The following LNPEP variants were observed in gnomAD, a reference collection of about 807,000 sequenced individuals.
The protein encoded by LNPEP is leucyl and cystinyl aminopeptidase, also known as leucyl-cystinyl aminopeptidase.
LNPEP carries 64 observed loss-of-function variants against 120.6 expected under a neutral mutation model. The observed-to-expected ratio is 0.53, with a 90% CI of 0.43 to 0.65. The LOEUF is 0.65. Among genes scored for constraint, LNPEP ranks in the 30% least tolerant of loss-of-function variants. LNPEP has a pLI of 0.00. For synonymous variants in LNPEP, 435 were observed against 425.4 expected (o/e 1.02, Z -0.28); for missense variants, 1,057 against 1,200.0 (o/e 0.88, Z 1.76).
chr5:96,947,651 T>C (rs1789219114), intron 1 of LNPEP, among the ~76,000 whole-genome samples: 2 of 152,370 alleles, frequency 1.3e-5, no homozygotes, highest in Admixed American at 6.5e-5. Flanking sequence ...CTCTGTGGCA[T>C]TGACAATGTT....
intron 1 of LNPEP, among the ~76,000 whole-genome samples, chr5:96,945,699 G>A (rs1789171258): frequency 1.3e-5 from 2 of 152,068 alleles, no homozygotes; most frequent in South Asian, 2.1e-4. Context: ...AATGAGGTGC[G>A]TCTGACCCCC....
In LNPEP at chr5:97,024,037, C is replaced by T. The variant is rs150311674; in HGVS notation, c.2562-484C>T. Among the ~76,000 whole-genome samples the T allele has an allele frequency of 2.6e-5, 4 of 152,286 alleles. No individual in the cohort carries two copies. In the East Asian group the frequency reaches 7.7e-4, roughly 29 times the overall value. On this transcript the variant is annotated intron_variant, in intron 14 of 17. Coordinates refer to ENST00000231368, the MANE Select transcript of LNPEP (RefSeq NM_005575.3). ...GTGCATTATGGAGAGAAGATTCAAG[C>T]ATCAGATGAAGAGTTGGGGTGGAGG...
At chr5:96,952,431 C>G (rs1789345894) in intron 1 of LNPEP, among the ~76,000 whole-genome samples, 1 of 152,156 alleles carries the variant, frequency 6.6e-6, no homozygotes, top group Admixed American at 6.5e-5. Flanking sequence ...GTACCCATAT[C>G]ACATCTTGAG....
Position 97,030,805 on chromosome 5 carries a change from T to G in LNPEP, c.*2272T>G, listed in dbSNP as rs1791455238. The stretch of plus-strand genomic sequence containing the variant: ...TACCAGATCCATAATAGTTGTAGTT[T>G]TTTTGATGTTGTTGCCCTTACCTTA... On this transcript the variant is annotated 3_prime_UTR_variant, in exon 18 of 18. Transcript: ENST00000231368. The G allele has an allele frequency of 6.6e-6, 1 of 152,064 alleles. No homozygotes were observed. The highest frequency in any genetic ancestry group is 1.5e-5 in the Non-Finnish European group (1 of 68,010). 9.4% of individuals were successfully genotyped at this position (152,064 alleles called of 1,614,324 possible).
At chr5:97,008,659 A>ACT (rs1344809483) in intron 11 of LNPEP, among the ~76,000 whole-genome samples, 1 of 51,482 alleles carries the variant, frequency 1.9e-5, no homozygotes, top group Non-Finnish European at 3.8e-5. Context: ...GCTCCTCTTT[A>ACT]CTCTTTTTTT....
intron 1 of LNPEP, chr5:96,943,083 A>G (rs1789098729): frequency 3.2e-6 from 1 of 311,054 alleles, no homozygotes; most frequent in Non-Finnish European, 6.0e-6. Context: ...ATGAGAATCC[A>G]TAAGTGACTC....
rs1304012744 is a variant in LNPEP, at chr5:97,033,348, A to G, written c.*4815A>G. ...CTTAATGTATATACATGTTTTTACT[A>G]CTACATTGTATTAATTCATCGGGTG... On this transcript the variant is annotated 3_prime_UTR_variant, in exon 18 of 18. Transcript: ENST00000231368. The G allele has an allele frequency of 6.6e-6, 1 of 152,198 alleles. No individual in the cohort carries two copies. Among genetic ancestry groups the G allele is most frequent in the Non-Finnish European group, 1.5e-5 (1 of 68,038 alleles). The allele number at this position is 152,198 out of a possible 1,614,324, so 9.4% of individuals were successfully genotyped here. A position where few individuals can be genotyped will look rare whatever the true frequency, so the allele number is the denominator to read the frequency against.
intron 11 of LNPEP, among the ~76,000 whole-genome samples, chr5:97,007,232 T>A (rs1444316579): frequency 1.3e-5 from 2 of 152,174 alleles, no homozygotes; most frequent in South Asian, 4.1e-4. Flanking sequence ...ATTTCTCGTT[T>A]GAATTTGGAT....
chr5:97,026,741 A>G lies in LNPEP; in HGVS notation c.2848A>G (p.Asn950Asp). ...LAWDFVKENW[N>D]KLVQKFPLGS... ...ATGGGATTTTGTCAAAGAGAACTGG[A>G]ATAAGCTTGTACAGAAGTAAGTTTC... The change falls in exon 16 of 18, where the codon AAT becomes GAT. Residue 950 changes from asparagine (N) to aspartate (D), a missense_variant. By Grantham distance (23) the Asn-to-Asp change is conservative. Transcript: ENST00000231368. The G allele has an allele frequency of 1.9e-6, 3 of 1,613,502 alleles. No individual in the cohort carries two copies. Among genetic ancestry groups the G allele is most frequent in the Non-Finnish European group, 2.5e-6 (3 of 1,179,474 alleles).
intron 1 of LNPEP, among the ~76,000 whole-genome samples, chr5:96,974,186 C>T (rs916998406): frequency 6.6e-6 from 1 of 152,040 alleles, no homozygotes; most frequent in Non-Finnish European, 1.5e-5. Context: ...TTGGGGTCAC[C>T]ACTCCTTGGC....
At position 97,006,148 on chromosome 5, in the gene LNPEP, G is replaced by A; in HGVS notation, c.1861G>A (p.Val621Ile). 1 of 1,598,130 alleles carries A rather than the reference G, an allele frequency of 6.3e-7. No homozygotes were observed. Among genetic ancestry groups the A allele is most frequent in the African/African-American group, 1.3e-5 (1 of 74,362 alleles). The change falls in exon 10 of 18, where the codon GTT (valine) becomes ATT (isoleucine). Residue 621 changes from valine (V) to isoleucine (I), a missense_variant. Val to Ile is a conservative substitution (Grantham distance 29). Coordinates refer to ENST00000231368, the MANE Select transcript of LNPEP (RefSeq NM_005575.3). ...GCAGAAAGGATTTCCTTTAGTGACT[G>A]TTCAAAAGAAAGGAAAGGAACTTTT... is the stretch of plus-strand genomic sequence containing the variant. Reference protein sequence around the residue: ...TLQKGFPLVTVQKKGKELFIQ... With the variant: ...TLQKGFPLVTIQKKGKELFIQ...
In LNPEP at chr5:96,973,203, C is replaced by G. The variant is rs1023115674; in HGVS notation, c.20-5935C>G. 9.9e-5 allele frequency among the ~76,000 whole-genome samples: 15 copies of G among 152,118 alleles called. No individual in the cohort carries two copies. In the South Asian group the frequency reaches 2.1e-3, roughly 21 times the overall value. ...AACTTCTCATGAGCACTGTAATTAA[C>G]AGGAAGAGATTTTCTTTGAGTATGG... On this transcript the variant is annotated intron_variant, in intron 1 of 17. Transcript: ENST00000231368.
intron 13 of LNPEP, among the ~76,000 whole-genome samples, chr5:97,016,453 C>T (rs1424544066): frequency 1.3e-5 from 2 of 152,088 alleles, no homozygotes; most frequent in Admixed American, 6.6e-5. Context: ...AACGAGGAGA[C>T]GGAATAGCTT....
rs1471691069 is a variant in LNPEP, at chr5:97,006,238, A to G, written c.1946+5A>G. The G allele has an allele frequency of 1.3e-6, 2 of 1,594,868 alleles. No individual in the cohort carries two copies. The highest frequency in any genetic ancestry group is 2.2e-5 in the East Asian group (1 of 44,570). Reference sequence around the variant, plus strand: ...AATTCAGCCTTCAGATACAAGGTACATGCCCTCTTTCTTTTCATGCCATCT... The same window carrying G: ...AATTCAGCCTTCAGATACAAGGTACGTGCCCTCTTTCTTTTCATGCCATCT... On this transcript the variant is annotated splice_donor_5th_base_variant and intron_variant, in intron 10 of 17. Transcript: ENST00000231368.
Position 97,033,825 on chromosome 5 carries a change from A to C in LNPEP, c.*5292A>C, listed in dbSNP as rs1056765597. 1.3e-5 allele frequency: 2 copies of C among 151,920 alleles called. No individual in the cohort carries two copies. Among genetic ancestry groups the C allele is most frequent in the Non-Finnish European group, 2.9e-5 (2 of 67,986 alleles). The allele number at this position is 151,920 out of a possible 1,614,324, so 9.4% of individuals were successfully genotyped here. ...TGTTTCATTGGGTACCCGGTCCTTC[A>C]CTTGGATGTGTAGGTTCCTAATGAG... On this transcript the variant is annotated 3_prime_UTR_variant, in exon 18 of 18. Transcript: ENST00000231368.
rs777894245 is a variant in LNPEP at position 97,026,651 on chromosome 5, C to G, written c.2758C>G (p.Arg920Gly). Residue 920 changes from arginine to glycine, a missense_variant, in exon 16 of 18, where the codon CGA (arginine) becomes GGA (glycine). Physicochemically the swap from Arg to Gly is moderately radical, Grantham distance 125. Transcript: ENST00000231368. ...MKSSLNGDNFRTQKLSFIIRT... is the reference protein window; with the variant it reads ...MKSSLNGDNFGTQKLSFIIRT... ...AAGTAGCCTGAATGGAGATAACTTCCGAACACAGAAGCTGTCTTTTATCAT... is the reference window on the plus strand; with the variant it reads ...AAGTAGCCTGAATGGAGATAACTTCGGAACACAGAAGCTGTCTTTTATCAT... The G allele has an allele frequency of 6.2e-7, 1 of 1,612,934 alleles. No individual in the cohort carries two copies. The highest frequency in any genetic ancestry group is 1.7e-5 in the Admixed American group (1 of 59,994).
chr5:97,013,587 AT>A (rs894495717), intron 11 of LNPEP, 60 bp from the exon 12 acceptor site: 154 of 931,910 alleles, frequency 1.7e-4, no homozygotes, highest in South Asian at 5.5e-4. Flanking sequence ...AGCACTCATA[AT>A]TTTTTTTTCT....
At chr5:97,008,815 C>T (rs896145410) in intron 11 of LNPEP, among the ~76,000 whole-genome samples, 1 of 151,926 alleles carries the variant, frequency 6.6e-6, no homozygotes, top group Non-Finnish European at 1.5e-5. Flanking sequence ...CAGGCGCCTG[C>T]CACCATGCCC....
chr5:96,966,777 A>C (rs951962516), intron 1 of LNPEP, among the ~76,000 whole-genome samples: 1 of 152,130 alleles, frequency 6.6e-6, no homozygotes, highest in Non-Finnish European at 1.5e-5. Context: ...ATTAGGTTAG[A>C]AGCTTCAAAA....
Sources: gnomAD v4.1 joint callset for allele counts (sites outside exome capture counted in the v4.1 genomes callset) on GRCh38, gnomAD v4.1.1 for gene constraint, MANE v1.5 for transcripts, NCBI Gene and HGNC (gene_info 2026-07-23, HGNC 2026-07-21) for gene names.